The following PTPRT variants were observed in gnomAD, a reference collection of about 807,000 sequenced individuals.
PTPRT encodes receptor-type tyrosine-protein phosphatase T.
In PTPRT, 56 loss-of-function variants were observed where a neutral mutation model predicts 176.8. The ratio of observed to expected loss-of-function variants is 0.32; its 90% confidence interval spans 0.26 to 0.40. The LOEUF is 0.40. Among genes scored for constraint, PTPRT ranks in the 10% least tolerant of loss-of-function variants. PTPRT has a pLI of 1.00. For missense variants in PTPRT, 1,540 were observed against 1,908.2 expected (o/e 0.81, Z 3.60); for synonymous variants, 783 against 739.0 (o/e 1.06, Z -0.96).
intron 1 of PTPRT, among the ~76,000 whole-genome samples, chr20:43,037,691 G>A (rs1986439715): frequency 6.6e-6 from 1 of 152,130 alleles, no homozygotes; most frequent in Admixed American, 6.5e-5. Context: ...GGTGGCAATG[G>A]CCTGTGCTGT....
the PTPRT span, among the ~76,000 whole-genome samples, chr20:42,044,485 A>G: frequency 4.6e-5 from 7 of 152,244 alleles, no homozygotes; most frequent in African/African-American, 9.6e-5. Context: ...AGGCCTGGTC[A>G]CAGGAATTGC....
rs1188048181 is a variant in PTPRT, at chr20:42,186,902, A to G, written c.2491+12338T>C. 3.3e-5 allele frequency among the ~76,000 whole-genome samples: 5 copies of G among 152,120 alleles called. No individual in the cohort carries two copies. In the East Asian group the frequency reaches 9.7e-4, roughly 29 times the overall value. On this transcript the variant is annotated intron_variant, in intron 16 of 30. Coordinates refer to ENST00000373187, the MANE Select transcript of PTPRT (RefSeq NM_007050.6). ...GTAGACTCATCAAAACTTGGTGTTGAACTCGATGTGGGAGGTGAGAGAGAG... is the reference window on the plus strand; with the variant it reads ...GTAGACTCATCAAAACTTGGTGTTGGACTCGATGTGGGAGGTGAGAGAGAG...
At chr20:43,126,354 G>C (rs553177406) in intron 1 of PTPRT, among the ~76,000 whole-genome samples, 6 of 138,518 alleles carry the variant, frequency 4.3e-5, no homozygotes, top group African/African-American at 1.6e-4. Context: ...TCGTTTCAAA[G>C]AGAAAAAAAA....
chr20:42,312,361 C>CTTAA (rs1186474379), intron 12 of PTPRT, among the ~76,000 whole-genome samples: 1 of 152,174 alleles, frequency 6.6e-6, no homozygotes, highest in Non-Finnish European at 1.5e-5. Flanking sequence ...ATCCTCCAGG[C>CTTAA]TTAACATCAT....
chr20:42,297,103 C>T (rs1348437612), intron 12 of PTPRT, among the ~76,000 whole-genome samples: 1 of 151,880 alleles, frequency 6.6e-6, no homozygotes, highest in East Asian at 1.9e-4. Context: ...AGTAGTGATC[C>T]TGATATAAAA....
chr20:42,363,286 A>AT (rs2058460005), intron 9 of PTPRT, among the ~76,000 whole-genome samples: 2 of 29,324 alleles, frequency 6.8e-5, no homozygotes, highest in African/African-American at 1.9e-4. Flanking sequence ...ATATATATAT[A>AT]TATATATATA....
intron 9 of PTPRT, among the ~76,000 whole-genome samples, chr20:42,363,895 T>A (rs186895870): frequency 6.6e-5 from 10 of 152,038 alleles, no homozygotes; most frequent in African/African-American, 2.4e-4. Flanking sequence ...TCATGAAGAG[T>A]GGCCAGTCTT....
rs138080036 is a variant in PTPRT at position 43,003,603 on chromosome 20, G to C, written c.89-117671C>G. Among the ~76,000 whole-genome samples the C allele has an allele frequency of 3.7e-3, 560 of 152,274 alleles. 4 individuals carry two copies. The highest frequency in any genetic ancestry group is 0.013 in the African/African-American group (530 of 41,550). On this transcript the variant is annotated intron_variant, in intron 1 of 30. Coordinates refer to ENST00000373187, the MANE Select transcript of PTPRT (RefSeq NM_007050.6). ...GATTAGTCATTTTTACTTATACTTT[G>C]TGATTTAAAATCCCTTTTGCAATAC...
chr20:42,909,365 C>T (rs1450698527), intron 1 of PTPRT, among the ~76,000 whole-genome samples: 1 of 152,146 alleles, frequency 6.6e-6, no homozygotes, highest in East Asian at 1.9e-4. Context: ...CCTAAAAGGA[C>T]ATTATGATGA....
chr20:42,643,136 C>T (rs147289170), intron 7 of PTPRT, among the ~76,000 whole-genome samples: 25 of 152,180 alleles, frequency 1.6e-4, no homozygotes, highest in African/African-American at 4.1e-4. Context: ...AGTATTGTTA[C>T]GCAGCATTAT....
chr20:42,581,694 A>C (rs1423351270), intron 7 of PTPRT, among the ~76,000 whole-genome samples: 1 of 152,220 alleles, frequency 6.6e-6, no homozygotes, highest in Admixed American at 6.5e-5. Flanking sequence ...ACATGGAATG[A>C]GACTATGAAA....
At chr20:42,781,122 A>T (rs1285335245) in intron 3 of PTPRT, among the ~76,000 whole-genome samples, 1 of 151,680 alleles carries the variant, frequency 6.6e-6, no homozygotes, top group Admixed American at 6.6e-5. Context: ...CCTGCTCCTC[A>T]GGCTCACGTG....
chr20:42,847,139 AAAGGG>A (rs1226834524), intron 2 of PTPRT, among the ~76,000 whole-genome samples: 9 of 152,258 alleles, frequency 5.9e-5, no homozygotes, highest in Non-Finnish European at 1.0e-4. Context: ...GCAAGTTAAC[AAAGGG>A]AATATTTACA....
chr20:42,486,174 G>A (rs952865592), intron 7 of PTPRT, among the ~76,000 whole-genome samples: 3 of 152,214 alleles, frequency 2.0e-5, no homozygotes, highest in African/African-American at 7.2e-5. Context: ...AATAGGGGCT[G>A]ACACTTGGCC....
chr20:42,736,616 T>C lies in PTPRT; in HGVS notation c.859+19846A>G, dbSNP rs141417801. Among the ~76,000 whole-genome samples, 265 of 152,242 alleles carry C rather than the reference T, an allele frequency of 1.7e-3. 4 individuals are homozygous for C. Among genetic ancestry groups the C allele is most frequent in the African/African-American group, 6.1e-3 (255 of 41,548 alleles). Reference sequence around the variant, plus strand: ...ACCTTGGATAACAAGGGTGGTGGCATTGGGGAATTAGAATTTGTGTGGTCA... The same window carrying C: ...ACCTTGGATAACAAGGGTGGTGGCACTGGGGAATTAGAATTTGTGTGGTCA... On this transcript the variant is annotated intron_variant, in intron 6 of 30. Transcript: ENST00000373187.
chr20:42,298,006 G>T (rs2057412882), intron 12 of PTPRT, among the ~76,000 whole-genome samples: 1 of 151,258 alleles, frequency 6.6e-6, no homozygotes, highest in African/African-American at 2.4e-5. Context: ...TGTAATAAAA[G>T]AAAAAAAATG....
chr20:42,520,844 G>T (rs1270439153), intron 7 of PTPRT, among the ~76,000 whole-genome samples: 6 of 62,522 alleles, frequency 9.6e-5, no homozygotes, highest in African/African-American at 3.4e-4. Context: ...TGTGTGTGTA[G>T]ATAGATAGAT....
intron 7 of PTPRT, among the ~76,000 whole-genome samples, chr20:42,601,114 T>C (rs1463256691): frequency 1.3e-5 from 2 of 152,200 alleles, no homozygotes; most frequent in African/African-American, 2.4e-5. Flanking sequence ...TACCATGTTA[T>C]GTACTAGTGA....
At chr20:42,236,077 CA>C (rs1335706096) in intron 15 of PTPRT, 151 bp downstream of exon 15, 15 of 582,340 alleles carry the variant, frequency 2.6e-5, no homozygotes, top group Non-Finnish European at 3.9e-5. Flanking sequence ...TCAAATGTAA[CA>C]CATTTATGCA....
Sources: gnomAD v4.1 joint callset for allele counts (sites outside exome capture counted in the v4.1 genomes callset) on GRCh38, gnomAD v4.1.1 for gene constraint, MANE v1.5 for transcripts, NCBI Gene and HGNC (gene_info 2026-07-23, HGNC 2026-07-21) for gene names.